CD58: variants seen among roughly 807,000 people sequenced by gnomAD.
The protein encoded by CD58 is CD58 molecule, also known as lymphocyte function-associated antigen 3.
A neutral mutation model predicts 27.6 loss-of-function variants in CD58; 14 were observed. That is an observed-to-expected ratio of 0.51 (90% CI 0.34 to 0.79). The LOEUF is 0.79. CD58 is among the 30% of genes least tolerant of loss of function. CD58 has a pLI of 0.02. For missense variants in CD58, 268 were observed against 301.7 expected (o/e 0.89, Z 0.83); for synonymous variants, 117 against 103.8 (o/e 1.13, Z -0.77).
chr1:116,547,126 C>A (rs1237326520), intron 1 of CD58, among the ~76,000 whole-genome samples: 1 of 149,538 alleles, frequency 6.7e-6, no homozygotes, highest in Non-Finnish European at 1.5e-5. Context: ...TACACTGTAC[C>A]CAGTGTGTAG....
In CD58 at chr1:116,570,396, G is replaced by A. The variant is rs2101244784; in HGVS notation, c.70+507C>T. Among the ~76,000 whole-genome samples the A allele has an allele frequency of 6.6e-6, 1 of 152,272 alleles. No individual in the cohort carries two copies. The highest frequency in any genetic ancestry group is 1.5e-5 in the Non-Finnish European group (1 of 68,006). ...GCCTACCCGCTCCTCGCTGTGGGGC[G>A]ATTCTGAAAAGTCCTCTCTGCTGAT... On this transcript the variant is annotated intron_variant, in intron 1 of 5. Coordinates refer to ENST00000369489, the MANE Select transcript of CD58 (RefSeq NM_001779.3). The surrounding 1 kb of genome is among the most constrained non-coding windows in gnomAD (Gnocchi z 6.4).
At chr1:116,514,870 G>A (rs1557830206) in intron 5 of CD58, 48 bp from the exon 6 acceptor site, 2 of 1,429,372 alleles carry the variant, frequency 1.4e-6, no homozygotes, top group Middle Eastern at 1.8e-4. Context: ...AGTAAATCTG[G>A]GCTGCAGACC....
Position 116,519,084 on chromosome 1 carries a change from CTA to C in CD58, c.743+145_743+146del, listed in dbSNP as rs1425108291. 2.7e-6 allele frequency: 4 copies of C among 1,473,510 alleles called. No homozygotes were observed. Among genetic ancestry groups the C allele is most frequent in the Non-Finnish European group, 3.6e-6 (4 of 1,109,132 alleles). 91.3% of individuals were successfully genotyped at this position (1,473,510 alleles called of 1,614,324 possible). A position where few individuals can be genotyped will look rare whatever the true frequency, so the allele number is the denominator to read the frequency against. On this transcript the variant is annotated intron_variant, in intron 5 of 5. Transcript: ENST00000369489. This position sits in a 1 kb window ranked among gnomAD's most constrained non-coding sequence, Gnocchi z 4.7. The stretch of plus-strand genomic sequence containing the variant: ...TGGCACACAGTTGGTACTTAATACA[CTA>C]TGGTTAGTATATCTGCTGATGTTAC...
At chr1:116,562,286 A>C (rs534734554) in intron 1 of CD58, among the ~76,000 whole-genome samples, 1 of 152,252 alleles carries the variant, frequency 6.6e-6, no homozygotes, top group Admixed American at 6.5e-5. Flanking sequence ...TGTCAACAAC[A>C]GCAGAATAAG....
At chr1:116,540,352 A>G (rs1252871132) in intron 2 of CD58, among the ~76,000 whole-genome samples, 1 of 98,276 alleles carries the variant, frequency 1.0e-5, no homozygotes, top group African/African-American at 4.4e-5. Flanking sequence ...TCTTTTCTTA[A>G]AAAAAAAAAA....
rs1351717756 is a variant in CD58 at position 116,563,066 on chromosome 1, G to A, written c.70+7837C>T. Among the ~76,000 whole-genome samples, 1 of 152,198 alleles carries A rather than the reference G, an allele frequency of 6.6e-6. No individual in the cohort carries two copies. Among genetic ancestry groups the A allele is most frequent in the East Asian group, 1.9e-4 (1 of 5,200 alleles). ...AGTTAGTTACTTCCTAGATACAATG[G>A]GGGTACAGGTGCTGAGTAAATATAT... On this transcript the variant is annotated intron_variant, in intron 1 of 5. Coordinates refer to ENST00000369489, the MANE Select transcript of CD58 (RefSeq NM_001779.3). The surrounding 1 kb of genome is among the most constrained non-coding windows in gnomAD (Gnocchi z 4.1).
At position 116,516,140 on chromosome 1, in the gene CD58, C is replaced by T. The variant is rs1413454239; in HGVS notation, c.744-1318G>A. ...AACTCCTAAACTCAAGCGATCCTCG[C>T]ACCTCAGCCTCCCAAGTAGCTGAGA... is the stretch of plus-strand genomic sequence containing the variant. On this transcript the variant is annotated intron_variant, in intron 5 of 5. Transcript: ENST00000369489. This position sits in a 1 kb window ranked among gnomAD's most constrained non-coding sequence, Gnocchi z 6.1. Among the ~76,000 whole-genome samples the T allele has an allele frequency of 2.0e-5, 3 of 152,286 alleles. No individual in the cohort carries two copies. In the East Asian group the frequency reaches 5.8e-4, roughly 29 times the overall value.
At chr1:116,543,416 T>C (rs941931288) in intron 2 of CD58, among the ~76,000 whole-genome samples, 5 of 150,320 alleles carry the variant, frequency 3.3e-5, no homozygotes, top group African/African-American at 4.9e-5. Flanking sequence ...AAGGACAATA[T>C]TGAAAGAATT....
intron 1 of CD58, among the ~76,000 whole-genome samples, chr1:116,561,251 C>T (rs1658741506): frequency 6.6e-6 from 1 of 151,970 alleles, no homozygotes. Flanking sequence ...AAAATTAAAA[C>T]AAAAAAACAT....
At position 116,544,239 on chromosome 1, in the gene CD58, GCTAGTCTCTGAAAACAGA is replaced by G. The variant is rs1658080012; in HGVS notation, c.364+54_364+71del. On this transcript the variant is annotated intron_variant, in intron 2 of 5. Transcript: ENST00000369489. ...CTTTTCTCATAGACCATTAATTTGT[GCTAGTCTCTGAAAACAGA>G]CTAAAAAAATGGAAATTTGCCATTT... The G allele has an allele frequency of 5.0e-6, 5 of 990,816 alleles. No individual in the cohort carries two copies. In the Admixed American group the frequency reaches 7.0e-5, roughly 14 times the overall value. The allele number at this position is 990,816 out of a possible 1,614,324, so 61.4% of individuals were successfully genotyped here. A position where few individuals can be genotyped will look rare whatever the true frequency, so the allele number is the denominator to read the frequency against.
rs181163918 is a variant in CD58 at position 116,542,743 on chromosome 1, G to A, written c.364+1568C>T. Reference sequence around the variant, plus strand: ...AGAGGAGGTGGGATCCAGGGCACACGTGGAAAGTTTAACTTCAGGTGAGAA... The same window carrying A: ...AGAGGAGGTGGGATCCAGGGCACACATGGAAAGTTTAACTTCAGGTGAGAA... On this transcript the variant is annotated intron_variant, in intron 2 of 5. Transcript: ENST00000369489. Among the ~76,000 whole-genome samples the A allele has an allele frequency of 2.2e-4, 33 of 152,310 alleles. No homozygotes were observed. The East Asian group carries it at 6.4e-3, about 29-fold the overall frequency.
Position 116,521,665 on chromosome 1 carries a change from A to G in CD58, c.706+241T>C, listed in dbSNP as rs1657265484. The stretch of plus-strand genomic sequence containing the variant: ...TAAAAGGAGGCTATGCAACAGGTCC[A>G]GGCTGTGTTCCCAGGCCTGTAAAGC... On this transcript the variant is annotated intron_variant, in intron 4 of 5. Transcript: ENST00000369489. This position sits in a 1 kb window ranked among gnomAD's most constrained non-coding sequence, Gnocchi z 5.6. 1 of 410,188 alleles carries G rather than the reference A, an allele frequency of 2.4e-6. No homozygotes were observed. The highest frequency in any genetic ancestry group is 2.1e-5 in the African/African-American group (1 of 47,810). The allele number at this position is 410,188 out of a possible 1,614,324, so 25.4% of individuals were successfully genotyped here.
At chr1:116,564,702 G>A (rs941036948) in intron 1 of CD58, among the ~76,000 whole-genome samples, 4 of 152,178 alleles carry the variant, frequency 2.6e-5, no homozygotes, top group Non-Finnish European at 5.9e-5. Context: ...GGGGGAAACT[G>A]CCCTTATGAT....
intron 3 of CD58, chr1:116,533,338 T>TACACCCATCGC (rs1657679582): frequency 7.4e-7 from 1 of 1,343,104 alleles, no homozygotes; most frequent in Non-Finnish European, 1.1e-6. Flanking sequence ...CAGTCAATAG[T>TACACCCATCGC]ACACCCATCG....
chr1:116,543,827 C>T (rs1206719898), intron 2 of CD58, among the ~76,000 whole-genome samples: 1 of 152,134 alleles, frequency 6.6e-6, no homozygotes, highest in Non-Finnish European at 1.5e-5. Context: ...GAGGCTGAGA[C>T]AGTAAAATCA....
intron 1 of CD58, among the ~76,000 whole-genome samples, chr1:116,562,766 C>G (rs1321029827): frequency 6.6e-6 from 1 of 152,144 alleles, no homozygotes; most frequent in East Asian, 1.9e-4. Context: ...GGAAACTGCC[C>G]TCATGATTCA....
intron 1 of CD58, among the ~76,000 whole-genome samples, chr1:116,562,797 CCCTTG>C (rs1461714371): frequency 3.3e-5 from 5 of 152,290 alleles, no homozygotes; most frequent in Non-Finnish European, 5.9e-5. Context: ...CCTGGCCCTG[CCCTTG>C]ACACACGGGG....
chr1:116,560,665 A>C (rs1190202580), intron 1 of CD58, among the ~76,000 whole-genome samples: 1 of 152,250 alleles, frequency 6.6e-6, no homozygotes, highest in Non-Finnish European at 1.5e-5. Context: ...TAATCTCAAC[A>C]GACATTTTGG....
intron 1 of CD58, among the ~76,000 whole-genome samples, chr1:116,562,371 T>C (rs1462903927): frequency 6.6e-6 from 1 of 152,202 alleles, no homozygotes; most frequent in Non-Finnish European, 1.5e-5. Context: ...CAGGCTGGAA[T>C]GCAGTTGTGT....
Sources: gnomAD v4.1 joint callset for allele counts (sites outside exome capture counted in the v4.1 genomes callset) on GRCh38, gnomAD v4.1.1 for gene constraint, Gnocchi (gnomAD v3.1) non-coding constraint, MANE v1.5 for transcripts, NCBI Gene and HGNC (gene_info 2026-07-23, HGNC 2026-07-21) for gene names.